The following SGCZ variants were observed in gnomAD, a reference collection of about 807,000 sequenced individuals.
SGCZ encodes zeta-sarcoglycan.
In SGCZ, 40 loss-of-function variants were observed where a neutral mutation model predicts 41.3. The ratio of observed to expected loss-of-function variants is 0.97; its 90% CI spans 0.75 to 1.26. The LOEUF (loss-of-function observed/expected upper bound fraction) is 1.26, where lower values mean the gene tolerates loss of function less well. Ranked by LOEUF, SGCZ falls within the 50% of genes most tolerant of loss-of-function variation. The pLI is 0.00. For synonymous variants in SGCZ, 206 were observed against 137.5 expected (o/e 1.50, Z -3.49); for missense variants, 552 against 369.8 (o/e 1.49, Z -4.04).
Position 15,193,108 on chromosome 8 carries a change from C to A in SGCZ, c.39+44477G>T, listed in dbSNP as rs73665401. 4.2e-3 allele frequency among the ~76,000 whole-genome samples: 643 copies of A among 152,094 alleles called. 4 individuals carry two copies. Among genetic ancestry groups the A allele is most frequent in the African/African-American group, 0.015 (622 of 41,440 alleles). ...GGAATTTAAATCACGTAGGTAAGCA[C>A]CATAGAAACACATGACCGGAAAGGC... On this transcript the variant is annotated intron_variant, in intron 1 of 7. Transcript: ENST00000382080.
intron 1 of SGCZ, among the ~76,000 whole-genome samples, chr8:15,236,330 C>T (rs79737642): frequency 0.034 from 5,237 of 152,286 alleles, 287 homozygotes; most frequent in African/African-American, 0.12. Flanking sequence ...AGGCTGCAGA[C>T]AGAGGCTTTG....
intron 3 of SGCZ, among the ~76,000 whole-genome samples, chr8:14,256,884 T>C (rs1442838435): frequency 6.6e-6 from 1 of 152,212 alleles, no homozygotes; most frequent in East Asian, 1.9e-4. Flanking sequence ...ATTGTTTAAA[T>C]GATATATTCC....
chr8:14,778,068 C>T (rs113293654), intron 1 of SGCZ, among the ~76,000 whole-genome samples: 2 of 152,002 alleles, frequency 1.3e-5, no homozygotes, highest in Non-Finnish European at 2.9e-5. Flanking sequence ...AGAATATAGG[C>T]ATGCACCATC....
chr8:14,980,665 A>G (rs1161058690), intron 1 of SGCZ, among the ~76,000 whole-genome samples: 1 of 152,110 alleles, frequency 6.6e-6, no homozygotes, highest in African/African-American at 2.4e-5. Flanking sequence ...CCCCTGATAA[A>G]ACCATCAGAT....
chr8:14,616,984 C>T (rs1806126266), intron 1 of SGCZ, among the ~76,000 whole-genome samples: 1 of 151,770 alleles, frequency 6.6e-6, no homozygotes, highest in Non-Finnish European at 1.5e-5. Context: ...TTTTCACATT[C>T]CTTTAATATA....
chr8:14,171,029 T>C (rs946255297), intron 4 of SGCZ, among the ~76,000 whole-genome samples: 1 of 152,006 alleles, frequency 6.6e-6, no homozygotes, highest in Non-Finnish European at 1.5e-5. Flanking sequence ...AATGTTACTG[T>C]ATAATTTATG....
At chr8:14,896,205 C>G (rs1805192516) in intron 1 of SGCZ, among the ~76,000 whole-genome samples, 1 of 152,176 alleles carries the variant, frequency 6.6e-6, no homozygotes. Context: ...TGTTAATTCT[C>G]TTCCTCTCAT....
At chr8:14,576,432 T>C (rs1804714704) in intron 1 of SGCZ, among the ~76,000 whole-genome samples, 1 of 152,178 alleles carries the variant, frequency 6.6e-6, no homozygotes, top group Non-Finnish European at 1.5e-5. Context: ...CCATATAGTA[T>C]AATGAAGTAA....
chr8:14,990,296 T>C (rs890793015), intron 1 of SGCZ, among the ~76,000 whole-genome samples: 1 of 152,072 alleles, frequency 6.6e-6, no homozygotes, highest in African/African-American at 2.4e-5. Flanking sequence ...CCACATCCCT[T>C]TTAAAAAGTC....
At chr8:14,309,256 C>T (rs556001414) in intron 3 of SGCZ, 6 of 1,529,766 alleles carry the variant, frequency 3.9e-6, no homozygotes, top group East Asian at 2.3e-5. Context: ...ACAACCATAT[C>T]CAGTTGTCTA....
intron 1 of SGCZ, among the ~76,000 whole-genome samples, chr8:14,705,258 G>A (rs111780411): frequency 4.1e-4 from 63 of 151,962 alleles, no homozygotes; most frequent in African/African-American, 1.4e-3. Context: ...TGGTGTTTAA[G>A]AACAATCAGT....
At chr8:14,567,182 G>A (rs1804396504) in intron 1 of SGCZ, among the ~76,000 whole-genome samples, 1 of 152,230 alleles carries the variant, frequency 6.6e-6, no homozygotes. Flanking sequence ...CTGCTCCACA[G>A]CGCCGGGTCC....
rs73201285 is a variant in SGCZ at position 14,872,323 on chromosome 8, A to T, written c.40-317397T>A. Among the ~76,000 whole-genome samples the T allele has an allele frequency of 6.5e-3, 982 of 152,192 alleles. 6 individuals are homozygous for T. The highest frequency in any genetic ancestry group is 0.037 in the Middle Eastern group (11 of 294). On this transcript the variant is annotated intron_variant, in intron 1 of 7. Transcript: ENST00000382080. ...CCCAGAACTTAAACTATAATTTTTTAAAAAAACATAGAAATATAAGCTATC... is the reference window on the plus strand; with the variant it reads ...CCCAGAACTTAAACTATAATTTTTTTAAAAAACATAGAAATATAAGCTATC...
At position 14,363,990 on chromosome 8, in the gene SGCZ, T is replaced by A. The variant is rs562605968; in HGVS notation, c.235-39786A>T. Among the ~76,000 whole-genome samples the A allele has an allele frequency of 1.6e-3, 247 of 152,248 alleles. 3 individuals carry two copies. The highest frequency in any genetic ancestry group is 5.6e-3 in the African/African-American group (232 of 41,564). ...AAGTAACATACTCCCACTCCTCATTTTATGCAATACTGTCAACACCCATCA... is the reference window on the plus strand; with the variant it reads ...AAGTAACATACTCCCACTCCTCATTATATGCAATACTGTCAACACCCATCA... On this transcript the variant is annotated intron_variant, in intron 2 of 7. Transcript: ENST00000382080.
chr8:14,392,866 T>C (rs753617200), intron 2 of SGCZ, among the ~76,000 whole-genome samples: 13 of 152,230 alleles, frequency 8.5e-5, no homozygotes, highest in Non-Finnish European at 1.8e-4. Context: ...GTATTTGTTA[T>C]CTTTATGTTC....
At chr8:15,216,368 C>T (rs1801403277) in intron 1 of SGCZ, among the ~76,000 whole-genome samples, 1 of 151,800 alleles carries the variant, frequency 6.6e-6, no homozygotes, top group South Asian at 2.1e-4. Flanking sequence ...TACAGGCACG[C>T]ACCACCACGC....
chr8:14,634,773 T>G (rs1282291279), intron 1 of SGCZ, among the ~76,000 whole-genome samples: 3 of 151,812 alleles, frequency 2.0e-5, no homozygotes, highest in Non-Finnish European at 4.4e-5. Context: ...GAAAGAAATA[T>G]CAAAGCCTAA....
chr8:14,965,250 G>A (rs923415310), intron 1 of SGCZ, among the ~76,000 whole-genome samples: 6 of 152,022 alleles, frequency 3.9e-5, no homozygotes, highest in Non-Finnish European at 7.4e-5. Flanking sequence ...CCTCAATAGT[G>A]CCACCCAAAT....
chr8:15,198,637 C>T (rs1158408822), intron 1 of SGCZ, among the ~76,000 whole-genome samples: 3 of 152,166 alleles, frequency 2.0e-5, no homozygotes, highest in Non-Finnish European at 4.4e-5. Flanking sequence ...AAACTGTTAT[C>T]CTAATACAAC....
Sources: gnomAD v4.1 joint callset for allele counts (sites outside exome capture counted in the v4.1 genomes callset) on GRCh38, gnomAD v4.1.1 for gene constraint, MANE v1.5 for transcripts, NCBI Gene and HGNC (gene_info 2026-07-23, HGNC 2026-07-21) for gene names.